PARP11: variants seen among roughly 807,000 people sequenced by gnomAD.
The protein encoded by PARP11 is poly(ADP-ribose) polymerase family member 11, also known as protein mono-ADP-ribosyltransferase PARP11.
PARP11 carries 31 observed loss-of-function variants against 42.9 expected under a neutral mutation model. The observed-to-expected ratio is 0.72, with a 90% CI of 0.54 to 0.98. The LOEUF is 0.98. Ranked by LOEUF, PARP11 falls within the 50% of genes least tolerant of loss-of-function variation. The pLI is 0.00. For missense variants in PARP11, 365 were observed against 413.1 expected (o/e 0.88, Z 1.01); for synonymous variants, 137 against 127.3 (o/e 1.08, Z -0.51).
At position 3,826,923 on chromosome 12, in the gene PARP11, T is replaced by C. The variant is rs149535590; in HGVS notation, c.269-690A>G. ...AGTAGTGATTCTTAATGTAAGATTC[T>C]AGCCAGTTTATCTCATCTAATTGAC... On this transcript the variant is annotated intron_variant, in intron 3 of 7. Transcript: ENST00000228820. Among the ~76,000 whole-genome samples, 9 of 152,362 alleles carry C rather than the reference T, an allele frequency of 5.9e-5. No individual in the cohort carries two copies. In the East Asian group the frequency reaches 1.7e-3, roughly 29 times the overall value.
intron 1 of PARP11, among the ~76,000 whole-genome samples, chr12:3,830,627 A>C (rs1427122477): frequency 6.6e-6 from 1 of 152,174 alleles, no homozygotes; most frequent in Non-Finnish European, 1.5e-5. Context: ...CAGTTTTTCT[A>C]AGTGTCAGGA....
chr12:3,861,813 A>C lies in PARP11; in HGVS notation c.18+11399T>G, dbSNP rs1348184727. Among the ~76,000 whole-genome samples the C allele has an allele frequency of 6.6e-6, 1 of 151,494 alleles. No individual in the cohort carries two copies. Among genetic ancestry groups the C allele is most frequent in the Non-Finnish European group, 1.5e-5 (1 of 67,860 alleles). On this transcript the variant is annotated intron_variant, in intron 1 of 7. Transcript: ENST00000228820. The surrounding 1 kb of genome is among the most constrained non-coding windows in gnomAD (Gnocchi z 4.6). ...GCCGAGGCGGGCGGATCACGAGGTCAGGAGATTGAGACCATCCTGGCTAAC... is the reference window on the plus strand; with the variant it reads ...GCCGAGGCGGGCGGATCACGAGGTCCGGAGATTGAGACCATCCTGGCTAAC...
intron 1 of PARP11, among the ~76,000 whole-genome samples, chr12:3,866,377 C>T (rs1232020671): frequency 2.0e-5 from 3 of 152,210 alleles, no homozygotes; most frequent in South Asian, 2.1e-4. Context: ...AGTCCTAGCC[C>T]TTCTTGTTTT....
At chr12:3,832,211 A>C in intron 1 of PARP11, 1 of 458,026 alleles carries the variant, frequency 2.2e-6, no homozygotes, top group Non-Finnish European at 2.9e-6. Context: ...GACAGGTACC[A>C]TTGTATTGAA....
intron 1 of PARP11, chr12:3,841,201 C>T (rs1363058425): frequency 8.5e-6 from 13 of 1,528,050 alleles, no homozygotes; most frequent in Middle Eastern, 1.7e-4. Flanking sequence ...AAAGGGAGAT[C>T]GAGCCATTGT....
chr12:3,870,462 T>C (rs1028127245), intron 1 of PARP11, among the ~76,000 whole-genome samples: 7 of 152,192 alleles, frequency 4.6e-5, no homozygotes, highest in African/African-American at 1.7e-4. Context: ...GATAATGATA[T>C]AACAAATCAA....
At chr12:3,827,549 T>C in intron 3 of PARP11, among the ~76,000 whole-genome samples, 1 of 151,988 alleles carries the variant, frequency 6.6e-6, no homozygotes, top group Non-Finnish European at 1.5e-5. Flanking sequence ...CTGCCTAGAC[T>C]GCAACAGAGG....
intron 4 of PARP11, 113 bp downstream of exon 4, chr12:3,826,045 A>C: frequency 4.6e-6 from 3 of 648,022 alleles, no homozygotes; most frequent in South Asian, 2.2e-5. Flanking sequence ...TTGATATTTA[A>C]AAGATCAATA....
At chr12:3,863,231 G>C (rs1948330936) in intron 1 of PARP11, among the ~76,000 whole-genome samples, 1 of 152,120 alleles carries the variant, frequency 6.6e-6, no homozygotes, top group South Asian at 2.1e-4. Context: ...GCAACCTTAT[G>C]AAACTCATTT....
intron 7 of PARP11, among the ~76,000 whole-genome samples, chr12:3,813,419 C>T (rs1947222670): frequency 6.6e-6 from 1 of 152,102 alleles, no homozygotes; most frequent in Non-Finnish European, 1.5e-5. Flanking sequence ...GATAAAGCAG[C>T]CAACTCTTCT....
At chr12:3,829,792 G>A in intron 2 of PARP11, 98 bp downstream of exon 2, 3 of 1,171,486 alleles carry the variant, frequency 2.6e-6, no homozygotes, top group Non-Finnish European at 3.6e-6. Context: ...CTTAAGCTTT[G>A]ACTTCAAGTT....
chr12:3,825,869 G>C (rs1470796729), intron 4 of PARP11, among the ~76,000 whole-genome samples: 1 of 151,994 alleles, frequency 6.6e-6, no homozygotes, highest in African/African-American at 2.4e-5. Context: ...TGGGACCACA[G>C]GCACCTGCCA....
chr12:3,847,753 A>T (rs1948029889), intron 1 of PARP11, among the ~76,000 whole-genome samples: 1 of 152,218 alleles, frequency 6.6e-6, no homozygotes, highest in Non-Finnish European at 1.5e-5. Context: ...TTCTTCTAAG[A>T]TCTTGAACAA....
intron 1 of PARP11, among the ~76,000 whole-genome samples, chr12:3,836,114 A>C (rs1199343234): frequency 6.6e-6 from 1 of 152,006 alleles, no homozygotes; most frequent in Non-Finnish European, 1.5e-5. Flanking sequence ...AAGCTCAATA[A>C]ATTCCAAAAG....
At chr12:3,862,274 A>C (rs1948306407) in intron 1 of PARP11, among the ~76,000 whole-genome samples, 2 of 152,014 alleles carry the variant, frequency 1.3e-5, no homozygotes, top group African/African-American at 4.8e-5. Context: ...GGAACATAGC[A>C]AAACCCCATC....
At chr12:3,852,127 T>C (rs1184269686) in intron 1 of PARP11, among the ~76,000 whole-genome samples, 2 of 152,098 alleles carry the variant, frequency 1.3e-5, no homozygotes, top group African/African-American at 4.8e-5. Flanking sequence ...ACCCCATCTA[T>C]AGGTCACCGT....
At chr12:3,851,721 T>C (rs978012260) in intron 1 of PARP11, among the ~76,000 whole-genome samples, 4 of 152,246 alleles carry the variant, frequency 2.6e-5, no homozygotes, top group African/African-American at 9.6e-5. Flanking sequence ...TTCTGCAGAC[T>C]TAAATGTCCG....
At chr12:3,839,923 A>G (rs112571745) in intron 1 of PARP11, 4 of 1,108,124 alleles carry the variant, frequency 3.6e-6, no homozygotes, top group African/African-American at 1.5e-5. Flanking sequence ...AGAGGATGAC[A>G]GCTGCAAGAG....
chr12:3,850,680 ACT>A, intron 1 of PARP11, among the ~76,000 whole-genome samples: 1 of 152,306 alleles, frequency 6.6e-6, no homozygotes, highest in East Asian at 1.9e-4. Context: ...GTATAAAGAT[ACT>A]GTTGACAAGG....
Sources: gnomAD v4.1 joint callset for allele counts (sites outside exome capture counted in the v4.1 genomes callset) on GRCh38, gnomAD v4.1.1 for gene constraint, Gnocchi (gnomAD v3.1) non-coding constraint, MANE v1.5 for transcripts, NCBI Gene and HGNC (gene_info 2026-07-23, HGNC 2026-07-21) for gene names.